SAMD12: variants seen among roughly 807,000 people sequenced by gnomAD.
SAMD12 encodes the protein sterile alpha motif domain-containing protein 12.
In SAMD12, 9 loss-of-function variants were observed where a neutral mutation model predicts 15.0. That is an observed-to-expected ratio of 0.60 (90% CI 0.36 to 1.05). The LOEUF (loss-of-function observed/expected upper bound fraction) is 1.05, where lower values mean the gene tolerates loss of function less well. SAMD12 is among the 50% of genes least tolerant of loss of function. The probability of loss-of-function intolerance (pLI) is 0.01; values close to 1 mark genes in which losing one functional copy is unlikely to be tolerated. For missense variants in SAMD12, 230 were observed against 234.2 expected, an observed-to-expected ratio of 0.98 and a Z score of 0.12; for synonymous variants, 86 against 90.1, an observed-to-expected ratio of 0.96 and a Z score of 0.25.
chr8:118,458,804 G>C (rs1017784531), intron 2 of SAMD12, among the ~76,000 whole-genome samples: 78 of 152,076 alleles, frequency 5.1e-4, no homozygotes, highest in African/African-American at 1.8e-3. Flanking sequence ...ATTTGTTTTA[G>C]AGTCAAACTA....
intron 4 of SAMD12, among the ~76,000 whole-genome samples, chr8:118,369,830 C>T (rs1157277639): frequency 1.3e-5 from 2 of 152,056 alleles, no homozygotes; most frequent in Non-Finnish European, 2.9e-5. Flanking sequence ...AGAAGAAAAT[C>T]TAGGCAATAC....
intron 2 of SAMD12, among the ~76,000 whole-genome samples, chr8:118,444,343 T>C (rs1222469258): frequency 6.6e-6 from 1 of 152,140 alleles, no homozygotes; most frequent in Non-Finnish European, 1.5e-5. Context: ...AGGCAGTTTG[T>C]TATCTTAACC....
intron 2 of SAMD12, among the ~76,000 whole-genome samples, chr8:118,573,089 T>C (rs1184049288): frequency 6.6e-6 from 1 of 152,138 alleles, no homozygotes; most frequent in African/African-American, 2.4e-5. Context: ...TAAGCCTCTT[T>C]TCTTTTCTTT....
chr8:118,132,146 A>G, the SAMD12 span, among the ~76,000 whole-genome samples: 4 of 152,210 alleles, frequency 2.6e-5, no homozygotes, highest in East Asian at 1.9e-4. Context: ...TCTCTACAAT[A>G]TATTTCATAC....
At chr8:118,196,528 T>G (rs28365488) in exon 5 of SAMD12, 1 of 152,132 alleles carries the variant, frequency 6.6e-6, no homozygotes, top group Non-Finnish European at 1.5e-5. Context: ...GTCACAGGTA[T>G]AATCCCAGAA....
chr8:118,498,590 A>G (rs1347232031), intron 2 of SAMD12, among the ~76,000 whole-genome samples: 1 of 152,242 alleles, frequency 6.6e-6, no homozygotes, highest in Non-Finnish European at 1.5e-5. Flanking sequence ...ATGCAGATAT[A>G]CTTTACCCAA....
At chr8:118,512,676 C>T (rs932967071) in intron 2 of SAMD12, among the ~76,000 whole-genome samples, 7 of 152,178 alleles carry the variant, frequency 4.6e-5, no homozygotes, top group African/African-American at 9.7e-5. Context: ...AAAACACTGT[C>T]CCCTTATTTC....
At chr8:118,221,130 G>A (rs1255602978) in intron 4 of SAMD12, among the ~76,000 whole-genome samples, 1 of 152,074 alleles carries the variant, frequency 6.6e-6, no homozygotes, top group East Asian at 1.9e-4. Context: ...AAATATTTTT[G>A]TCTCGTCTAT....
chr8:118,166,744 G>C, the SAMD12 span, among the ~76,000 whole-genome samples: 2 of 152,104 alleles, frequency 1.3e-5, no homozygotes. Context: ...GTTTCTCTAG[G>C]CCTCAACCGA....
At position 118,359,965 on chromosome 8, in the gene SAMD12, T is replaced by C. The variant is rs185738850; in HGVS notation, c.433+19595A>G. On this transcript the variant is annotated intron_variant, in intron 4 of 4. Transcript: ENST00000409003. ...GGTCCTATATATAGCATATAATAAG[T>C]GTTCAGCAAACATTTATTCAACTGA... 2.8e-3 allele frequency among the ~76,000 whole-genome samples: 427 copies of C among 152,260 alleles called. 2 individuals carry two copies. The highest frequency in any genetic ancestry group is 0.017 in the Middle Eastern group (5 of 294).
chr8:118,515,434 T>A (rs575233804), intron 2 of SAMD12, among the ~76,000 whole-genome samples: 1 of 152,262 alleles, frequency 6.6e-6, no homozygotes, highest in South Asian at 2.1e-4. Flanking sequence ...CCATACAGCC[T>A]GTGGAACTGT....
intron 2 of SAMD12, among the ~76,000 whole-genome samples, chr8:118,556,548 T>A (rs1826536383): frequency 6.6e-6 from 1 of 152,212 alleles, no homozygotes; most frequent in South Asian, 2.1e-4. Flanking sequence ...ATTCTTTGAA[T>A]TGCAATTGTC....
At chr8:118,477,387 A>G (rs1002123546) in intron 2 of SAMD12, among the ~76,000 whole-genome samples, 1 of 152,114 alleles carries the variant, frequency 6.6e-6, no homozygotes, top group African/African-American at 2.4e-5. Context: ...TTTGATGTTC[A>G]ATTCAGAATG....
the SAMD12 span, among the ~76,000 whole-genome samples, chr8:118,140,816 CA>C: frequency 2.0e-5 from 3 of 152,162 alleles, no homozygotes; most frequent in African/African-American, 4.8e-5. Flanking sequence ...GAGCTTTCTC[CA>C]TCTTTCTTTT....
chr8:118,321,144 A>ATATATATAT (rs1816242362), intron 4 of SAMD12, among the ~76,000 whole-genome samples: 2 of 94,500 alleles, frequency 2.1e-5, no homozygotes, highest in Non-Finnish European at 4.1e-5. Flanking sequence ...ATAGATAATA[A>ATATATATAT]ATATATATAT....
At chr8:118,611,805 A>G (rs1828119342) in intron 1 of SAMD12, among the ~76,000 whole-genome samples, 1 of 152,170 alleles carries the variant, frequency 6.6e-6, no homozygotes, top group South Asian at 2.1e-4. Flanking sequence ...ATTCCATTCT[A>G]TGGTCCCAGA....
chr8:118,233,792 T>G (rs532541775), intron 4 of SAMD12, among the ~76,000 whole-genome samples: 1 of 152,326 alleles, frequency 6.6e-6, no homozygotes, highest in East Asian at 1.9e-4. Flanking sequence ...ATAGCACTTT[T>G]ATCATTCTGG....
At position 118,291,024 on chromosome 8, in the gene SAMD12, A is replaced by C. The variant is rs1586446419; in HGVS notation, c.433+88536T>G. Among the ~76,000 whole-genome samples, 5 of 152,322 alleles carry C rather than the reference A, an allele frequency of 3.3e-5. No individual in the cohort carries two copies. In the South Asian group the frequency reaches 1.0e-3, roughly 32 times the overall value. ...TCGCTTCACTGGCCTAATTATTCTC[A>C]TAAGCAGCTTAACTGAAATGTTGGC... is the stretch of plus-strand genomic sequence containing the variant. On this transcript the variant is annotated intron_variant, in intron 4 of 4. Coordinates refer to the SAMD12 transcript ENST00000409003.
chr8:118,266,205 C>T (rs1354272684), intron 4 of SAMD12, among the ~76,000 whole-genome samples: 1 of 152,118 alleles, frequency 6.6e-6, no homozygotes, highest in Admixed American at 6.6e-5. Context: ...GCCTGATGAT[C>T]CAATCACCTC....
Sources: allele counts gnomAD v4.1 joint callset (sites outside exome capture counted in the v4.1 genomes callset), GRCh38; gene constraint gnomAD v4.1.1; transcripts MANE v1.5; gene names NCBI Gene and HGNC (gene_info 2026-07-23, HGNC 2026-07-21).